The following FANCL variants were observed in gnomAD, a reference collection of about 807,000 sequenced individuals.
FANCL encodes the protein E3 ubiquitin-protein ligase FANCL.
A neutral mutation model predicts 59.4 loss-of-function variants in FANCL; 69 were observed. The ratio of observed to expected loss-of-function variants is 1.16; its 90% CI spans 0.96 to 1.42. FANCL has a LOEUF of 1.42. Ranked by LOEUF, FANCL falls within the 40% of genes most tolerant of loss-of-function variation. FANCL has a pLI of 0.00. For missense variants in FANCL, 519 were observed against 447.2 expected, an observed-to-expected ratio of 1.16 and a Z score of -1.45; for synonymous variants, 180 against 147.1, an observed-to-expected ratio of 1.22 and a Z score of -1.62.
chr2:58,226,804 A>C lies in FANCL; in HGVS notation c.217-20T>G. 4 of 1,593,392 alleles carry C rather than the reference A, an allele frequency of 2.5e-6. No individual in the cohort carries two copies. The highest frequency in any genetic ancestry group is 3.4e-6 in the Non-Finnish European group (4 of 1,161,438). Reference sequence around the variant, plus strand: ...CATTCTCTAGATCAAAATATTTCCAATTAATTTCATTTGCACAATAAATAT... The same window carrying C: ...CATTCTCTAGATCAAAATATTTCCACTTAATTTCATTTGCACAATAAATAT... On this transcript the variant is annotated intron_variant, in intron 3 of 13. Transcript: ENST00000233741.
At chr2:58,209,215 CTATG>C (rs1354675274) in intron 5 of FANCL, among the ~76,000 whole-genome samples, 1 of 151,992 alleles carries the variant, frequency 6.6e-6, no homozygotes, top group Non-Finnish European at 1.5e-5. Context: ...CTTTATATTC[CTATG>C]TATGTGTCAG....
intron 7 of FANCL, among the ~76,000 whole-genome samples, chr2:58,191,657 C>T (rs1173646459): frequency 4.6e-5 from 7 of 151,790 alleles, no homozygotes; most frequent in African/African-American, 1.7e-4. Flanking sequence ...TTAACATATA[C>T]ATAATTCAAT....
chr2:58,186,968 GAGTGTGAACT>G (rs1478884455), intron 7 of FANCL, among the ~76,000 whole-genome samples: 1 of 152,184 alleles, frequency 6.6e-6, no homozygotes, highest in Non-Finnish European at 1.5e-5. Context: ...CTGTTGGTGG[GAGTGTGAACT>G]AGTTCAACCA....
chr2:58,176,286 G>T (rs1687293403), intron 7 of FANCL, among the ~76,000 whole-genome samples: 1 of 152,058 alleles, frequency 6.6e-6, no homozygotes, highest in African/African-American at 2.4e-5. Context: ...CTACTTTAAA[G>T]TTCATATGGA....
intron 7 of FANCL, among the ~76,000 whole-genome samples, chr2:58,167,504 A>G (rs1686075723): frequency 6.6e-6 from 1 of 152,340 alleles, no homozygotes; most frequent in African/African-American, 2.4e-5. Context: ...CTGCCAAAAA[A>G]AGAGTTATAA....
intron 1 of FANCL, among the ~76,000 whole-genome samples, chr2:58,235,951 GA>G (rs1217848772): frequency 1.4e-5 from 2 of 143,646 alleles, no homozygotes; most frequent in Admixed American, 7.0e-5. Flanking sequence ...GACATTGAGG[GA>G]AAAAAAAATG....
chr2:58,218,866 T>C (rs1179759998), intron 5 of FANCL, among the ~76,000 whole-genome samples: 1 of 151,842 alleles, frequency 6.6e-6, no homozygotes, highest in Non-Finnish European at 1.5e-5. Flanking sequence ...TATAAAATCA[T>C]GTTTACCTTA....
rs1180846961 is a variant in FANCL at position 58,194,406 on chromosome 2, G to A, written c.540+4188C>T. 7.2e-6 allele frequency: 3 copies of A among 415,794 alleles called. No homozygotes were observed. In the Admixed American group the frequency reaches 7.9e-5, roughly 11 times the overall value. The allele number at this position is 415,794 out of a possible 1,614,324, so 25.8% of individuals were successfully genotyped here. ...GTATGTAAAATTCTAAAGCATTAAG[G>A]ATATATTTTGAAGCATTTGTGATGT... is the stretch of plus-strand genomic sequence containing the variant. On this transcript the variant is annotated intron_variant, in intron 7 of 13. Coordinates refer to ENST00000233741, the MANE Select transcript of FANCL (RefSeq NM_018062.4).
intron 1 of FANCL, among the ~76,000 whole-genome samples, chr2:58,233,286 A>C (rs1032906830): frequency 2.6e-5 from 4 of 152,074 alleles, no homozygotes; most frequent in Non-Finnish European, 5.9e-5. Flanking sequence ...TGAAAGAATA[A>C]AATTCCAAAG....
intron 3 of FANCL, among the ~76,000 whole-genome samples, chr2:58,227,707 C>G (rs546294078): frequency 1.6e-4 from 24 of 152,238 alleles, no homozygotes; most frequent in Admixed American, 1.3e-3. Context: ...TTTATAGGCA[C>G]AAGATGGAGG....
intron 7 of FANCL, among the ~76,000 whole-genome samples, chr2:58,183,450 C>G (rs1211262282): frequency 6.6e-6 from 1 of 151,878 alleles, no homozygotes; most frequent in African/African-American, 2.4e-5. Context: ...TTATTAGTTA[C>G]TGCTTTTATT....
chr2:58,159,655 C>G lies in FANCL; in HGVS notation c.*110G>C. 6.2e-7 allele frequency: 1 copy of G among 1,613,430 alleles called. No homozygotes were observed. Among genetic ancestry groups the G allele is most frequent in the Non-Finnish European group, 8.5e-7 (1 of 1,179,644 alleles). On this transcript the variant is annotated 3_prime_UTR_variant, in exon 14 of 14. Coordinates refer to ENST00000233741, the MANE Select transcript of FANCL (RefSeq NM_018062.4). ...TTATTATCGCATCATCATACCTGTC[C>G]TTTTGATGTTAGTATTTCTTGCTTT...
intron 5 of FANCL, among the ~76,000 whole-genome samples, chr2:58,221,014 C>T (rs528636870): frequency 6.6e-6 from 1 of 151,812 alleles, no homozygotes; most frequent in African/African-American, 2.4e-5. Flanking sequence ...AGATCGAGAC[C>T]GATCCTGGCT....
At chr2:58,176,652 C>T (rs1250144072) in intron 7 of FANCL, among the ~76,000 whole-genome samples, 13 of 151,744 alleles carry the variant, frequency 8.6e-5, no homozygotes, top group African/African-American at 2.2e-4. Flanking sequence ...AAGACTTAAA[C>T]GTTAGACCTA....
intron 7 of FANCL, among the ~76,000 whole-genome samples, chr2:58,178,800 T>C (rs940931831): frequency 1.3e-5 from 2 of 152,180 alleles, no homozygotes; most frequent in Non-Finnish European, 2.9e-5. Flanking sequence ...TTGTCTCTGT[T>C]TGCAGATGAC....
chr2:58,198,047 G>A lies in FANCL; in HGVS notation c.540+547C>T, dbSNP rs892253675. ...CTGGATGGTGTGTGTGTGTGTGTGCGTGTGTGTGTGTGTATTTATGCATGG... is the reference window on the plus strand; with the variant it reads ...CTGGATGGTGTGTGTGTGTGTGTGCATGTGTGTGTGTGTATTTATGCATGG... On this transcript the variant is annotated intron_variant, in intron 7 of 13. Transcript: ENST00000233741. 3.4e-5 allele frequency among the ~76,000 whole-genome samples: 5 copies of A among 147,164 alleles called. 1 individual carries two copies. The highest frequency in any genetic ancestry group is 4.2e-4 in the South Asian group (2 of 4,754).
chr2:58,220,609 C>G (rs1292924530), intron 5 of FANCL, among the ~76,000 whole-genome samples: 2 of 152,104 alleles, frequency 1.3e-5, no homozygotes, highest in Non-Finnish European at 1.5e-5. Context: ...CTTTAGTTAT[C>G]AGGTAATGGT....
chr2:58,229,124 G>C (rs1433050619), intron 3 of FANCL, among the ~76,000 whole-genome samples: 1 of 151,956 alleles, frequency 6.6e-6, no homozygotes, highest in South Asian at 2.1e-4. Flanking sequence ...GTGATTGTCA[G>C]TTATCATAGA....
chr2:58,171,351 C>T (rs1179865368), intron 7 of FANCL, among the ~76,000 whole-genome samples: 1 of 152,142 alleles, frequency 6.6e-6, no homozygotes, highest in African/African-American at 2.4e-5. Flanking sequence ...ACACAATGTA[C>T]CAGAATCTCT....
Sources: gnomAD v4.1 joint callset for allele counts (sites outside exome capture counted in the v4.1 genomes callset) on GRCh38, gnomAD v4.1.1 for gene constraint, MANE v1.5 for transcripts, NCBI Gene and HGNC (gene_info 2026-07-23, HGNC 2026-07-21) for gene names.